SLC9B2: variants seen among roughly 807,000 people sequenced by gnomAD.
SLC9B2 encodes the protein solute carrier family 9 member B2.
In SLC9B2, 39 loss-of-function variants were observed where a neutral mutation model predicts 52.2. The observed-to-expected ratio is 0.75, with a 90% CI of 0.58 to 0.98. The LOEUF is 0.98. Among genes scored for constraint, SLC9B2 ranks in the 50% least tolerant of loss-of-function variants. The pLI is 0.00. For missense variants in SLC9B2, 626 were observed against 637.5 expected, an observed-to-expected ratio of 0.98 and a Z score of 0.19; for synonymous variants, 214 against 227.0, an observed-to-expected ratio of 0.94 and a Z score of 0.51.
intron 3 of SLC9B2, among the ~76,000 whole-genome samples, chr4:103,064,373 G>A (rs1056495395): frequency 2.0e-5 from 3 of 152,210 alleles, no homozygotes; most frequent in African/African-American, 7.2e-5. Context: ...AGGACATTAT[G>A]CTAAGTGAAG....
intron 9 of SLC9B2, among the ~76,000 whole-genome samples, chr4:103,041,563 GT>G (rs1407015224): frequency 7.9e-5 from 12 of 152,064 alleles, no homozygotes; most frequent in Middle Eastern, 6.8e-3. Context: ...TCATTTCTCT[GT>G]TGCTAAAACT....
In SLC9B2 at chr4:103,043,334, T is replaced by C. The variant is rs767276626; in HGVS notation, c.1108A>G (p.Met370Val). The change falls in exon 9 of 12, where the codon ATG (methionine) becomes GTG (valine). Residue 370 changes from methionine to valine, a missense_variant. Coordinates refer to ENST00000394785, the MANE Select transcript of SLC9B2 (RefSeq NM_178833.7). ...PGSGGLCTLV[M>V]AFLAGMGWTS... ...CATCCCATGCCTGCAAGGAAAGCCA[T>C]GACCAACGTGCACAGTCCTCCTGAT... The C allele has an allele frequency of 1.2e-6, 2 of 1,612,702 alleles. No individual in the cohort carries two copies. Among genetic ancestry groups the C allele is most frequent in the Admixed American group, 1.7e-5 (1 of 59,546 alleles).
Position 103,033,623 on chromosome 4 carries a change from T to TA in SLC9B2, c.1147-1816dup, listed in dbSNP as rs60075468. On this transcript the variant is annotated intron_variant, in intron 9 of 11. Transcript: ENST00000394785. ...AAACAACTTCAGCAAAGTTTTAGGA[T>TA]AAAAAATCAATGCACAAAAATCATT... Among the ~76,000 whole-genome samples, 325 of 152,192 alleles carry TA rather than the reference T, an allele frequency of 2.1e-3. 1 individual carries two copies. Among genetic ancestry groups the TA allele is most frequent in the African/African-American group, 7.6e-3 (314 of 41,518 alleles).
intron 11 of SLC9B2, 96 bp from the exon 12 acceptor site, chr4:103,026,687 C>G (rs1560539403): frequency 8.7e-7 from 1 of 1,144,960 alleles, no homozygotes; most frequent in Non-Finnish European, 1.2e-6. Context: ...ATTGCTTGTT[C>G]TTTTGCTCAA....
At chr4:103,047,995 C>G (rs902184636) in intron 6 of SLC9B2, among the ~76,000 whole-genome samples, 1 of 151,944 alleles carries the variant, frequency 6.6e-6, no homozygotes, top group Non-Finnish European at 1.5e-5. Context: ...CTTTTTTAAA[C>G]AAAAAAATTC....
chr4:103,020,175 A>G (rs1355329893), downstream of SLC9B2: 36 of 300,520 alleles, frequency 1.2e-4, no homozygotes, highest in South Asian at 8.2e-4. Flanking sequence ...TAAATGAGAC[A>G]TGGCAAGTGT....
intron 9 of SLC9B2, among the ~76,000 whole-genome samples, chr4:103,038,856 G>A (rs764023701): frequency 3.4e-4 from 51 of 152,070 alleles, no homozygotes; most frequent in Admixed American, 4.6e-4. Flanking sequence ...CTTTAAAAAA[G>A]GTGAGTGCAT....
chr4:103,018,781 G>A (rs1741554743), downstream of SLC9B2, among the ~76,000 whole-genome samples: 1 of 152,166 alleles, frequency 6.6e-6, no homozygotes, highest in African/African-American at 2.4e-5. Flanking sequence ...CTGGTCTAAA[G>A]CAGGGATCCC....
At chr4:103,076,995 T>C (rs1328722712), upstream of SLC9B2, 1 of 152,386 alleles carries the variant, frequency 6.6e-6, no homozygotes, top group African/African-American at 2.4e-5. Flanking sequence ...TGCCCCCCTT[T>C]ATCGCTTAAC....
chr4:103,018,621 C>T (rs997184263), downstream of SLC9B2, among the ~76,000 whole-genome samples: 3 of 151,840 alleles, frequency 2.0e-5, no homozygotes, highest in African/African-American at 4.8e-5. Context: ...TGTCTCCCCA[C>T]ATCACCAAAT....
chr4:103,031,034 T>C (rs1742653944), intron 10 of SLC9B2, among the ~76,000 whole-genome samples: 2 of 152,098 alleles, frequency 1.3e-5, no homozygotes, highest in Non-Finnish European at 2.9e-5. Flanking sequence ...ATAAGAGAGA[T>C]TGGAGACTAA....
At chr4:103,075,923 CGAT>C (rs1747089870) in intron 1 of SLC9B2, among the ~76,000 whole-genome samples, 1 of 152,164 alleles carries the variant, frequency 6.6e-6, no homozygotes, top group African/African-American at 2.4e-5. Context: ...CAATAGCATA[CGAT>C]GATTCTTAGC....
intron 4 of SLC9B2, among the ~76,000 whole-genome samples, chr4:103,053,738 C>T (rs532584237): frequency 1.3e-5 from 2 of 151,870 alleles, no homozygotes; most frequent in South Asian, 4.2e-4. Flanking sequence ...GAGTCTCGCT[C>T]TGTCACCAGG....
upstream of SLC9B2, chr4:103,077,160 C>G (rs893996634): frequency 6.6e-6 from 1 of 152,180 alleles, no homozygotes; most frequent in Non-Finnish European, 1.5e-5. Flanking sequence ...GTTTTTCACT[C>G]CTGTAAGCAA....
chr4:103,046,761 C>CACACATCTT (rs1214531191), intron 7 of SLC9B2, among the ~76,000 whole-genome samples: 91 of 151,870 alleles, frequency 6.0e-4, no homozygotes, highest in African/African-American at 1.0e-3. Flanking sequence ...TGTGTGAAGC[C>CACACATCTT]TGAACGTTCC....
downstream of SLC9B2, among the ~76,000 whole-genome samples, chr4:103,019,056 T>G (rs993431241): frequency 3.3e-5 from 5 of 152,096 alleles, no homozygotes; most frequent in African/African-American, 1.2e-4. Context: ...CTGTCTTCCA[T>G]GAAACTGATC....
intron 9 of SLC9B2, among the ~76,000 whole-genome samples, chr4:103,035,115 T>C (rs1743046030): frequency 6.6e-6 from 1 of 152,182 alleles, no homozygotes; most frequent in Non-Finnish European, 1.5e-5. Context: ...GTTATATTTT[T>C]CCTGGTCCTC....
intron 4 of SLC9B2, among the ~76,000 whole-genome samples, chr4:103,057,015 C>T (rs1456496323): frequency 6.6e-6 from 1 of 151,984 alleles, no homozygotes; most frequent in Non-Finnish European, 1.5e-5. Flanking sequence ...TGATTTGTAG[C>T]ATTTGCTGAT....
chr4:103,049,490 A>T (rs187321803), intron 5 of SLC9B2, among the ~76,000 whole-genome samples: 57 of 152,368 alleles, frequency 3.7e-4, no homozygotes, highest in African/African-American at 1.0e-3. Flanking sequence ...ATACATGAAA[A>T]AAAAGCATTA....
Sources: allele counts gnomAD v4.1 joint callset (sites outside exome capture counted in the v4.1 genomes callset), GRCh38; gene constraint gnomAD v4.1.1; transcripts MANE v1.5; gene names NCBI Gene and HGNC (gene_info 2026-07-23, HGNC 2026-07-21).